Variants in ACOXL observed in about 807,000 individuals in gnomAD.
ACOXL encodes acyl-coenzyme A oxidase-like protein.
A neutral mutation model predicts 71.9 loss-of-function variants in ACOXL; 70 were observed. That is an observed-to-expected ratio of 0.97 (90% confidence interval 0.80 to 1.19). ACOXL has a LOEUF of 1.19. Ranked by LOEUF, ACOXL falls within the 50% of genes most tolerant of loss-of-function variation. The pLI is 0.00. For synonymous variants in ACOXL, 253 were observed against 281.6 expected (o/e 0.90, Z 1.02); for missense variants, 703 against 736.3 (o/e 0.95, Z 0.52).
chr2:110,862,542 A>G (rs1343392637), intron 10 of ACOXL, among the ~76,000 whole-genome samples: 1 of 152,236 alleles, frequency 6.6e-6, no homozygotes, highest in Non-Finnish European at 1.5e-5. Context: ...TGCTTGTGAA[A>G]TGGGCATTTG....
Position 110,798,606 on chromosome 2 carries a change from G to A in ACOXL, c.346-4G>A, listed in dbSNP as rs772257660. The A allele has an allele frequency of 2.0e-5, 33 of 1,611,538 alleles. No individual in the cohort carries two copies. The highest frequency in any genetic ancestry group is 3.3e-4 in the Middle Eastern group (2 of 6,080). On this transcript the variant is annotated splice_region_variant and splice_polypyrimidine_tract_variant and intron_variant, in intron 5 of 17. Coordinates refer to ENST00000439055, the MANE Select transcript of ACOXL (RefSeq NM_001142807.4). ...AACACTGTTGCTCTGCTTTTTCTGT[G>A]TAGGAGTTTGTAATTGACACGCCGT...
At chr2:110,926,485 T>C (rs2060274571) in intron 11 of ACOXL, among the ~76,000 whole-genome samples, 1 of 152,186 alleles carries the variant, frequency 6.6e-6, no homozygotes, top group Non-Finnish European at 1.5e-5. Flanking sequence ...CTAATCCTGA[T>C]CTTGCCACTT....
At chr2:110,793,968 C>T in intron 4 of ACOXL, 108 bp from the exon 5 acceptor site, 1 of 1,158,114 alleles carries the variant, frequency 8.6e-7, no homozygotes, top group Non-Finnish European at 1.3e-6. Flanking sequence ...ATAATTTTCT[C>T]CAACCCACCT....
chr2:110,939,283 T>G (rs978154040), intron 12 of ACOXL, among the ~76,000 whole-genome samples: 6 of 152,186 alleles, frequency 3.9e-5, no homozygotes, highest in Non-Finnish European at 8.8e-5. Context: ...GTAATATATA[T>G]CCATTGTAGA....
intron 1 of ACOXL, among the ~76,000 whole-genome samples, chr2:110,751,025 G>A (rs1258359404): frequency 1.3e-5 from 2 of 151,856 alleles, no homozygotes; most frequent in African/African-American, 2.4e-5. Flanking sequence ...GCGGCTGGGC[G>A]CGGTGGCTCA....
chr2:110,879,814 A>G (rs1233474895), intron 10 of ACOXL, among the ~76,000 whole-genome samples: 1 of 152,136 alleles, frequency 6.6e-6, no homozygotes, highest in Admixed American at 6.5e-5. Context: ...AACAGACTAT[A>G]TAATTTCCAA....
At position 110,849,462 on chromosome 2, in the gene ACOXL, A is replaced by G. The variant is rs147662897; in HGVS notation, c.788+8057A>G. 4.1e-3 allele frequency among the ~76,000 whole-genome samples: 617 copies of G among 152,344 alleles called. 3 individuals are homozygous for G. Among genetic ancestry groups the G allele is most frequent in the African/African-American group, 0.013 (557 of 41,580 alleles). On this transcript the variant is annotated intron_variant, in intron 10 of 17. Coordinates refer to ENST00000439055, the MANE Select transcript of ACOXL (RefSeq NM_001142807.4). The stretch of plus-strand genomic sequence containing the variant: ...AGATAATTCAAAAAATTTTATGGAA[A>G]GGCAAAAGACCTAGGCTGCGTGCCG...
intron 1 of ACOXL, among the ~76,000 whole-genome samples, chr2:110,734,582 A>G (rs886286439): frequency 6.6e-5 from 10 of 151,988 alleles, no homozygotes; most frequent in Non-Finnish European, 1.3e-4. Context: ...CCTAAAATCA[A>G]TGTTTGTGAA....
intron 2 of ACOXL, among the ~76,000 whole-genome samples, chr2:110,778,852 A>G (rs1180482138): frequency 6.6e-6 from 1 of 152,246 alleles, no homozygotes; most frequent in Admixed American, 6.5e-5. Context: ...GCCAAAAATT[A>G]TAAGCAACCA....
intron 15 of ACOXL, among the ~76,000 whole-genome samples, chr2:111,046,135 A>C (rs2066005937): frequency 6.6e-6 from 1 of 152,182 alleles, no homozygotes; most frequent in Admixed American, 6.5e-5. Context: ...GACTTAGAGA[A>C]ATCTTTGTAC....
intron 16 of ACOXL, among the ~76,000 whole-genome samples, chr2:111,051,833 C>G (rs1276126578): frequency 6.6e-6 from 1 of 152,146 alleles, no homozygotes; most frequent in Non-Finnish European, 1.5e-5. Flanking sequence ...ATGTTGCATT[C>G]TACATTGTCA....
intron 10 of ACOXL, among the ~76,000 whole-genome samples, chr2:110,899,929 G>A (rs572119694): frequency 1.6e-3 from 237 of 152,176 alleles, no homozygotes; most frequent in Non-Finnish European, 2.6e-3. Context: ...CTATGGCAAC[G>A]CATTGTGCTA....
intron 14 of ACOXL, among the ~76,000 whole-genome samples, chr2:111,027,844 A>G (rs1007251334): frequency 3.9e-5 from 6 of 152,064 alleles, no homozygotes; most frequent in Non-Finnish European, 7.4e-5. Context: ...TTTTAAAATG[A>G]TGTCACCTTG....
chr2:110,952,179 T>A (rs2061353920), intron 12 of ACOXL, among the ~76,000 whole-genome samples: 1 of 152,156 alleles, frequency 6.6e-6, no homozygotes, highest in Non-Finnish European at 1.5e-5. Flanking sequence ...GCTATTCAGG[T>A]TTTCTGTTCT....
At chr2:111,078,401 T>C (rs1468540927) in intron 16 of ACOXL, among the ~76,000 whole-genome samples, 1 of 152,062 alleles carries the variant, frequency 6.6e-6, no homozygotes, top group Admixed American at 6.6e-5. Flanking sequence ...GTAGCTGGGA[T>C]TGCAGGCACC....
At chr2:110,774,152 G>C (rs111702483) in intron 2 of ACOXL, among the ~76,000 whole-genome samples, 1 of 152,208 alleles carries the variant, frequency 6.6e-6, no homozygotes, top group African/African-American at 2.4e-5. Flanking sequence ...CCGTGTGCCA[G>C]GTGAGGTGAT....
At chr2:110,823,142 A>G (rs1688808935) in intron 9 of ACOXL, among the ~76,000 whole-genome samples, 1 of 151,786 alleles carries the variant, frequency 6.6e-6, no homozygotes, top group South Asian at 2.1e-4. Flanking sequence ...AATCCCAGCT[A>G]CTCGGGAGGC....
intron 12 of ACOXL, among the ~76,000 whole-genome samples, chr2:110,985,012 G>A (rs2062866870): frequency 6.6e-6 from 1 of 152,202 alleles, no homozygotes; most frequent in South Asian, 2.1e-4. Context: ...AGCTGTGGGA[G>A]TGGGAATCAG....
chr2:110,891,696 A>C (rs1697945396), intron 10 of ACOXL, among the ~76,000 whole-genome samples: 2 of 152,122 alleles, frequency 1.3e-5, no homozygotes, highest in African/African-American at 4.8e-5. Flanking sequence ...CAATTTCAGC[A>C]ATTAAATGGA....
Sources: allele counts gnomAD v4.1 joint callset (sites outside exome capture counted in the v4.1 genomes callset), GRCh38; gene constraint gnomAD v4.1.1; transcripts MANE v1.5; gene names NCBI Gene and HGNC (gene_info 2026-07-23, HGNC 2026-07-21).